MARCHF1: variants seen among roughly 807,000 people sequenced by gnomAD.
MARCHF1 encodes the protein membrane associated ring-CH-type finger 1.
In MARCHF1, 40 loss-of-function variants were observed where a neutral mutation model predicts 54.2. The ratio of observed to expected loss-of-function variants is 0.74; its 90% CI spans 0.57 to 0.96. MARCHF1 has a LOEUF of 0.96. MARCHF1 is among the 40% of genes least tolerant of loss of function. The pLI is 0.00. For synonymous variants in MARCHF1, 236 were observed against 236.3 expected (o/e 1.00, Z 0.01); for missense variants, 586 against 656.5 (o/e 0.89, Z 1.17).
intron 1 of MARCHF1, among the ~76,000 whole-genome samples, chr4:164,287,823 G>A (rs1402375509): frequency 6.6e-6 from 1 of 151,984 alleles, no homozygotes; most frequent in Non-Finnish European, 1.5e-5. Flanking sequence ...CTACTCTTTA[G>A]AATAGCTAAT....
chr4:164,074,108 A>G (rs1754924218), intron 2 of MARCHF1, among the ~76,000 whole-genome samples: 2 of 152,196 alleles, frequency 1.3e-5, no homozygotes, highest in African/African-American at 4.8e-5. Context: ...TTCCATAAGT[A>G]TTTCATTTTG....
intron 1 of MARCHF1, among the ~76,000 whole-genome samples, chr4:164,131,786 A>T (rs962970371): frequency 1.3e-5 from 2 of 152,104 alleles, no homozygotes; most frequent in Admixed American, 1.3e-4. Context: ...AACGCCTGAG[A>T]AGTTTTCAGT....
intron 1 of MARCHF1, among the ~76,000 whole-genome samples, chr4:164,150,758 AAT>A (rs1729912858): frequency 6.6e-6 from 1 of 152,242 alleles, no homozygotes; most frequent in South Asian, 2.1e-4. Context: ...TCATAAAGAA[AAT>A]ATATCTGTAG....
intron 1 of MARCHF1, among the ~76,000 whole-genome samples, chr4:164,140,775 C>T (rs200613454): frequency 4.8e-5 from 5 of 103,404 alleles, no homozygotes; most frequent in Non-Finnish European, 1.1e-4. Flanking sequence ...CATACATACA[C>T]ACACACACAC....
chr4:163,906,048 T>C (rs1423309676), intron 3 of MARCHF1, among the ~76,000 whole-genome samples: 9 of 152,082 alleles, frequency 5.9e-5, no homozygotes, highest in Non-Finnish European at 1.2e-4. Context: ...TTTCTGGTAT[T>C]CTACAGAAAG....
chr4:163,649,226 A>T (rs1742876821), intron 5 of MARCHF1, among the ~76,000 whole-genome samples: 1 of 151,990 alleles, frequency 6.6e-6, no homozygotes, highest in African/African-American at 2.4e-5. Context: ...TCTGCACTGA[A>T]ATAGGCTACT....
chr4:164,197,058 C>T (rs774586723), intron 1 of MARCHF1: 1 of 1,606,108 alleles, frequency 6.2e-7, no homozygotes, highest in Non-Finnish European at 8.5e-7. Flanking sequence ...CTTCATCTTC[C>T]TCGCCATCTA....
At chr4:164,050,761 T>G (rs1754347316) in intron 2 of MARCHF1, among the ~76,000 whole-genome samples, 1 of 152,078 alleles carries the variant, frequency 6.6e-6, no homozygotes. Context: ...GGAGAAACCC[T>G]GTCTCTACTA....
At chr4:164,200,347 C>A (rs991618896) in intron 1 of MARCHF1, among the ~76,000 whole-genome samples, 3 of 152,154 alleles carry the variant, frequency 2.0e-5, no homozygotes, top group African/African-American at 7.2e-5. Context: ...AATATGATTA[C>A]CAATATCTAA....
At chr4:164,100,821 A>C (rs141163550) in intron 2 of MARCHF1, among the ~76,000 whole-genome samples, 1 of 152,216 alleles carries the variant, frequency 6.6e-6, no homozygotes, top group African/African-American at 2.4e-5. Flanking sequence ...CGCAGAAGAC[A>C]GGTGATTTCT....
At chr4:163,793,558 C>A (rs1007527640) in intron 4 of MARCHF1, among the ~76,000 whole-genome samples, 2 of 152,022 alleles carry the variant, frequency 1.3e-5, no homozygotes, top group Admixed American at 6.6e-5. Context: ...GGAGACCACC[C>A]CTCATATTGT....
chr4:164,217,468 C>A (rs116316631), intron 1 of MARCHF1, among the ~76,000 whole-genome samples: 2 of 152,208 alleles, frequency 1.3e-5, no homozygotes, highest in Non-Finnish European at 2.9e-5. Context: ...GGGAAATGTA[C>A]CTGTTAGTAT....
At chr4:164,090,263 G>A (rs1755271025) in intron 2 of MARCHF1, among the ~76,000 whole-genome samples, 1 of 151,980 alleles carries the variant, frequency 6.6e-6, no homozygotes. Flanking sequence ...GAACTCTCAA[G>A]TGATATTGAT....
chr4:164,206,669 T>C (rs1731615469), intron 1 of MARCHF1, among the ~76,000 whole-genome samples: 1 of 152,146 alleles, frequency 6.6e-6, no homozygotes, highest in African/African-American at 2.4e-5. Flanking sequence ...CTTACTGTAA[T>C]ACAGTCTCTA....
At chr4:163,877,571 T>C (rs942565886) in intron 3 of MARCHF1, among the ~76,000 whole-genome samples, 2 of 151,918 alleles carry the variant, frequency 1.3e-5, no homozygotes, top group Non-Finnish European at 2.9e-5. Flanking sequence ...CACCCTAATC[T>C]CTTTACTTTC....
intron 1 of MARCHF1, among the ~76,000 whole-genome samples, chr4:164,330,691 T>G (rs12504267): frequency 0.14 from 20,690 of 151,990 alleles, 2,212 homozygotes; most frequent in East Asian, 0.42. Context: ...GCAGTAGGGG[T>G]CCTTTGAAAA....
chr4:164,112,859 T>G (rs1386980998), intron 1 of MARCHF1, among the ~76,000 whole-genome samples: 1 of 151,924 alleles, frequency 6.6e-6, no homozygotes, highest in African/African-American at 2.4e-5. Context: ...TCAACACAAT[T>G]TTTAAAATAG....
intron 8 of MARCHF1, among the ~76,000 whole-genome samples, chr4:163,560,181 T>G (rs1196601892): frequency 6.6e-6 from 1 of 152,250 alleles, no homozygotes; most frequent in African/African-American, 2.4e-5. Flanking sequence ...TCCTTCGTTT[T>G]CTTGTAGAAG....
At chr4:164,189,283 C>A (rs1273898774) in intron 1 of MARCHF1, 15 of 593,220 alleles carry the variant, frequency 2.5e-5, no homozygotes, top group Non-Finnish European at 4.6e-5. Context: ...GTCTCCTCAA[C>A]ATCAAGCAAG....
Sources: allele counts gnomAD v4.1 joint callset (sites outside exome capture counted in the v4.1 genomes callset), GRCh38; gene constraint gnomAD v4.1.1; transcripts MANE v1.5; gene names NCBI Gene and HGNC (gene_info 2026-07-23, HGNC 2026-07-21).